DOCK1: variants seen among roughly 807,000 people sequenced by gnomAD.
DOCK1 encodes the protein dedicator of cytokinesis 1.
In DOCK1, 138 loss-of-function variants were observed where a neutral mutation model predicts 262.7. That is an observed-to-expected ratio of 0.53 (90% CI 0.46 to 0.61). The LOEUF (loss-of-function observed/expected upper bound fraction) is 0.61, where lower values mean the gene tolerates loss of function less well. Among genes scored for constraint, DOCK1 ranks in the 20% least tolerant of loss-of-function variants. The pLI, the probability that DOCK1 is intolerant of heterozygous loss-of-function variation, is 0.00. For missense variants in DOCK1, 1,908 were observed against 2,370.7 expected (o/e 0.80, Z 4.05); for synonymous variants, 866 against 867.4 (o/e 1.00, Z 0.03).
chr10:127,379,906 G>T (rs1401936762), intron 35 of DOCK1, among the ~76,000 whole-genome samples, 176 bp from the exon 36 acceptor site: 1 of 152,066 alleles, frequency 6.6e-6, no homozygotes, highest in Non-Finnish European at 1.5e-5. Context: ...AAAAAAAAAA[G>T]TGAAGAACTG....
intron 27 of DOCK1, among the ~76,000 whole-genome samples, chr10:127,157,915 A>T (rs139329329): frequency 3.3e-4 from 50 of 152,360 alleles, no homozygotes; most frequent in African/African-American, 1.2e-3. Flanking sequence ...GGCAGCTGCC[A>T]GCAGCTGGTG....
chr10:127,019,053 C>CT, intron 13 of DOCK1: 1 of 629,168 alleles, frequency 1.6e-6, no homozygotes, highest in Non-Finnish European at 2.6e-6. Context: ...TGGATCAGCT[C>CT]TCCCCAGCTG....
Position 127,380,118 on chromosome 10 carries a change from A to G in DOCK1, c.3712A>G (p.Ile1238Val), listed in dbSNP as rs748694096. ...AGAAATTGAAAGAGAAGAAATGTAT[A>G]TAAGGTATGTATGCATCACGCTTGT... The part of the protein sequence containing the change: ...YKEIEREEMY[I>V]RYLYKLCDLH... Residue 1238 changes from isoleucine (I) to valine (V), a missense_variant, in exon 36 of 52, where the codon ATA (isoleucine) becomes GTA (valine). By Grantham distance (29) the Ile-to-Val change is conservative. Coordinates refer to ENST00000623213, the MANE Select transcript of DOCK1 (RefSeq NM_001290223.2). 8 of 1,513,384 alleles carry G rather than the reference A, an allele frequency of 5.3e-6. No homozygotes were observed. Among genetic ancestry groups the G allele is most frequent in the South Asian group, 3.7e-5 (3 of 81,712 alleles). 93.7% of individuals were successfully genotyped at this position (1,513,384 alleles called of 1,614,324 possible).
intron 27 of DOCK1, among the ~76,000 whole-genome samples, chr10:127,225,195 C>G (rs1394536308): frequency 6.6e-6 from 1 of 152,134 alleles, no homozygotes; most frequent in Non-Finnish European, 1.5e-5. Flanking sequence ...ATTACTAAGG[C>G]GCATGTAATT....
At chr10:127,251,651 A>C (rs1006874775) in intron 28 of DOCK1, among the ~76,000 whole-genome samples, 3 of 149,284 alleles carry the variant, frequency 2.0e-5, no homozygotes, top group Non-Finnish European at 3.0e-5. Flanking sequence ...TTGTCCTTGC[A>C]ATAGTTTACT....
chr10:127,283,607 A>G (rs2061041874), intron 29 of DOCK1, among the ~76,000 whole-genome samples: 1 of 152,234 alleles, frequency 6.6e-6, no homozygotes, highest in South Asian at 2.1e-4. Flanking sequence ...ATTTACATGC[A>G]TACTTTATTC....
At chr10:127,191,421 C>A (rs2056748954) in intron 27 of DOCK1, among the ~76,000 whole-genome samples, 1 of 152,140 alleles carries the variant, frequency 6.6e-6, no homozygotes, top group Non-Finnish European at 1.5e-5. Context: ...CATCTACCTT[C>A]CCTATGCTTG....
At position 127,428,861 on chromosome 10, in the gene DOCK1, GTGTGGATTGGGGTGCCA is replaced by G. The variant is rs1279550369; in HGVS notation, c.4914+2864_4914+2880del. Among the ~76,000 whole-genome samples, 7 of 138,844 alleles carry G rather than the reference GTGTGGATTGGGGTGCCA, an allele frequency of 5.0e-5. No individual in the cohort carries two copies. In the East Asian group the frequency reaches 1.6e-3, roughly 32 times the overall value. 91.1% of individuals were successfully genotyped at this position (138,844 alleles called of 152,430 possible). The stretch of plus-strand genomic sequence containing the variant: ...ATTGTGCCGTGTGGATTGGGGTGTC[GTGTGGATTGGGGTGCCA>G]TGTGGATTGGGGTACCGTGTGGATT... On this transcript the variant is annotated intron_variant, in intron 47 of 51. Coordinates refer to ENST00000623213, the MANE Select transcript of DOCK1 (RefSeq NM_001290223.2).
At chr10:127,293,341 G>T (rs899102866) in intron 29 of DOCK1, among the ~76,000 whole-genome samples, 1 of 152,190 alleles carries the variant, frequency 6.6e-6, no homozygotes, top group African/African-American at 2.4e-5. Context: ...AAAACTGCCC[G>T]ACCATGGAGA....
intron 27 of DOCK1, among the ~76,000 whole-genome samples, chr10:127,149,272 A>G (rs944370833): frequency 6.7e-6 from 1 of 150,186 alleles, no homozygotes; most frequent in African/African-American, 2.4e-5. Context: ...GAGAGAGGGC[A>G]GAGAAGCTCA....
At chr10:126,952,585 T>C (rs1206712234) in intron 1 of DOCK1, among the ~76,000 whole-genome samples, 2 of 151,900 alleles carry the variant, frequency 1.3e-5, no homozygotes, top group Admixed American at 1.3e-4. Flanking sequence ...GATGTAGTAT[T>C]GTTGGTACTG....
chr10:127,335,390 A>C (rs1016022944), intron 29 of DOCK1, among the ~76,000 whole-genome samples: 2 of 152,176 alleles, frequency 1.3e-5, no homozygotes, highest in African/African-American at 4.8e-5. Flanking sequence ...TTCATTTGGC[A>C]AGGCATCCTC....
intron 38 of DOCK1, among the ~76,000 whole-genome samples, chr10:127,401,786 A>G (rs2067239488): frequency 6.6e-6 from 1 of 152,208 alleles, no homozygotes; most frequent in Admixed American, 6.5e-5. Context: ...GTGTCAGGAC[A>G]GCCCTCTCCT....
chr10:127,049,310 C>T (rs1310639874), intron 21 of DOCK1, among the ~76,000 whole-genome samples: 1 of 152,074 alleles, frequency 6.6e-6, no homozygotes, highest in Non-Finnish European at 1.5e-5. Context: ...CAGTTGAGTT[C>T]AGGAGTTTGA....
intron 27 of DOCK1, among the ~76,000 whole-genome samples, chr10:127,161,678 GT>G (rs1247982402): frequency 3.9e-5 from 6 of 152,222 alleles, no homozygotes; most frequent in African/African-American, 1.4e-4. Context: ...TGGAGCAGCT[GT>G]TCTTTACGGA....
At chr10:127,413,820 T>C (rs1275519736) in intron 43 of DOCK1, among the ~76,000 whole-genome samples, 1 of 152,188 alleles carries the variant, frequency 6.6e-6, no homozygotes, top group African/African-American at 2.4e-5. Context: ...GCCTTGCCTG[T>C]GTCCTTATGG....
chr10:127,355,070 C>T (rs1303568219), intron 32 of DOCK1, among the ~76,000 whole-genome samples: 4 of 152,058 alleles, frequency 2.6e-5, no homozygotes, highest in Non-Finnish European at 5.9e-5. Flanking sequence ...CCTGCTGTGA[C>T]ATTTGCCATC....
chr10:127,398,915 G>A (rs981808944), intron 38 of DOCK1, among the ~76,000 whole-genome samples: 8 of 152,154 alleles, frequency 5.3e-5, no homozygotes, highest in African/African-American at 1.9e-4. Context: ...AATTCCTGCT[G>A]TGTTCTCTAC....
At chr10:126,917,248 AC>A in intron 1 of DOCK1, among the ~76,000 whole-genome samples, 1 of 152,202 alleles carries the variant, frequency 6.6e-6, no homozygotes, top group Non-Finnish European at 1.5e-5. Flanking sequence ...CTCAGGTTAG[AC>A]TTTTGCAGTT....
Sources: gnomAD v4.1 joint callset for allele counts (sites outside exome capture counted in the v4.1 genomes callset) on GRCh38, gnomAD v4.1.1 for gene constraint, MANE v1.5 for transcripts, NCBI Gene and HGNC (gene_info 2026-07-23, HGNC 2026-07-21) for gene names.